Variants in EPB41L3 observed in about 807,000 individuals in gnomAD.
The protein encoded by EPB41L3 is erythrocyte membrane protein band 4.1 like 3, also known as band 4.1-like protein 3.
EPB41L3 carries 57 observed loss-of-function variants against 127.1 expected under a neutral mutation model. The ratio of observed to expected loss-of-function variants is 0.45; its 90% CI spans 0.36 to 0.56. EPB41L3 has a LOEUF of 0.56. Ranked by LOEUF, EPB41L3 falls within the 20% of genes least tolerant of loss-of-function variation. EPB41L3 has a pLI of 0.00. For synonymous variants in EPB41L3, 572 were observed against 549.5 expected, an observed-to-expected ratio of 1.04 and a Z score of -0.57; for missense variants, 1,273 against 1,372.2, an observed-to-expected ratio of 0.93 and a Z score of 1.14.
At chr18:5,548,323 A>G (rs1407398484), upstream of EPB41L3, among the ~76,000 whole-genome samples, 1 of 152,226 alleles carries the variant, frequency 6.6e-6, no homozygotes, top group Non-Finnish European at 1.5e-5. Context: ...AGGCTTCCAG[A>G]TGCTCTCTTC....
chr18:5,491,256 C>T (rs1040873988), intron 1 of EPB41L3, among the ~76,000 whole-genome samples: 1 of 152,214 alleles, frequency 6.6e-6, no homozygotes, highest in Non-Finnish European at 1.5e-5. Context: ...ATGACAGAGC[C>T]ACCCCTTCCA....
chr18:5,434,169 A>G (rs778288404), intron 6 of EPB41L3, 48 bp from the exon 7 acceptor site: 11 of 1,487,790 alleles, frequency 7.4e-6, no homozygotes, highest in Non-Finnish European at 1.0e-5. Context: ...ATGAGGATAC[A>G]GGAAAAGGAG....
intron 3 of EPB41L3, among the ~76,000 whole-genome samples, chr18:5,551,244 T>C (rs975805549): frequency 6.6e-6 from 1 of 152,180 alleles, no homozygotes; most frequent in African/African-American, 2.4e-5. Context: ...CCATTATAGC[T>C]TGATGAACAG....
chr18:5,460,885 T>A (rs1439174514), intron 3 of EPB41L3, among the ~76,000 whole-genome samples: 4 of 152,244 alleles, frequency 2.6e-5, no homozygotes, highest in Non-Finnish European at 5.9e-5. Flanking sequence ...ATATTTATTT[T>A]CTCTTTGTTA....
At chr18:5,584,270 A>G (rs546804200) in intron 3 of EPB41L3, among the ~76,000 whole-genome samples, 9 of 152,338 alleles carry the variant, frequency 5.9e-5, no homozygotes, top group African/African-American at 2.2e-4. Context: ...GCTAGGGCCT[A>G]TGCTGCAGAT....
chr18:5,446,030 A>G (rs1469487516), intron 3 of EPB41L3, among the ~76,000 whole-genome samples: 2 of 152,192 alleles, frequency 1.3e-5, no homozygotes, highest in Non-Finnish European at 2.9e-5. Context: ...TCTGAGCCTG[A>G]GAAGAATTAA....
chr18:5,584,514 C>T (rs1003754213), intron 3 of EPB41L3, among the ~76,000 whole-genome samples: 29 of 152,270 alleles, frequency 1.9e-4, no homozygotes, highest in African/African-American at 6.5e-4. Flanking sequence ...TTTTCCTCAA[C>T]TGTAATGTGA....
intron 11 of EPB41L3, among the ~76,000 whole-genome samples, chr18:5,422,807 C>T (rs1289106667): frequency 6.6e-6 from 1 of 152,190 alleles, no homozygotes; most frequent in African/African-American, 2.4e-5. Context: ...CAGTACAGAA[C>T]CCCTACCTAG....
At chr18:5,511,708 C>T (rs2092535771) in intron 1 of EPB41L3, among the ~76,000 whole-genome samples, 1 of 151,894 alleles carries the variant, frequency 6.6e-6, no homozygotes, top group South Asian at 2.1e-4. Context: ...GAGAGGTGAT[C>T]CCCAGTGCTT....
At chr18:5,477,301 T>C (rs766608866) in intron 3 of EPB41L3, among the ~76,000 whole-genome samples, 7 of 152,196 alleles carry the variant, frequency 4.6e-5, no homozygotes, top group Admixed American at 6.5e-5. Context: ...GTGCACTGCC[T>C]GTGCTGCCTG....
intron 2 of EPB41L3, among the ~76,000 whole-genome samples, chr18:5,486,416 G>A (rs1427009703): frequency 6.6e-6 from 1 of 151,222 alleles, no homozygotes; most frequent in Non-Finnish European, 1.5e-5. Context: ...GCTCCAGGAG[G>A]TTGGTCTGAG....
intron 3 of EPB41L3, among the ~76,000 whole-genome samples, chr18:5,606,489 A>G (rs1044976519): frequency 2.0e-5 from 3 of 152,044 alleles, no homozygotes; most frequent in African/African-American, 7.3e-5. Context: ...TATACATGTT[A>G]CTTATTATTA....
intron 13 of EPB41L3, among the ~76,000 whole-genome samples, chr18:5,412,830 T>C (rs1000156492): frequency 4.1e-5 from 6 of 145,126 alleles, no homozygotes; most frequent in Non-Finnish European, 9.0e-5. Flanking sequence ...GGGTAATGGA[T>C]AGTAAGTGCT....
chr18:5,552,039 G>A (rs1252391503), intron 3 of EPB41L3, among the ~76,000 whole-genome samples: 1 of 152,222 alleles, frequency 6.6e-6, no homozygotes, highest in African/African-American at 2.4e-5. Flanking sequence ...TCAAAAGAGA[G>A]AGGCTATAAA....
At chr18:5,599,736 CCAGAAGCCTAG>C (rs1286223708) in intron 3 of EPB41L3, among the ~76,000 whole-genome samples, 1 of 152,088 alleles carries the variant, frequency 6.6e-6, no homozygotes, top group Non-Finnish European at 1.5e-5. Context: ...TCTGAGGCTC[CCAGAAGCCTAG>C]CAGAAGCCAC....
Position 5,498,608 on chromosome 18 carries a change from A to AAAAAAAAAAAAAAAAAG in EPB41L3, c.-11-9415_-11-9414insCTTTTTTTTTTTTTTTT, listed in dbSNP as rs1448249391. ...AGACTCCATCTCAAAAAAAAAAAAA[A>AAAAAAAAAAAAAAAAAG]AAAGAAAATGGACTTCAGAACTGAT... On this transcript the variant is annotated intron_variant, in intron 1 of 22. Coordinates refer to ENST00000341928, the MANE Select transcript of EPB41L3 (RefSeq NM_012307.5). Among the ~76,000 whole-genome samples, 2 of 144,698 alleles carry AAAAAAAAAAAAAAAAAG rather than the reference A, an allele frequency of 1.4e-5. 1 individual carries two copies. 94.9% of individuals were successfully genotyped at this position (144,698 alleles called of 152,430 possible).
intron 3 of EPB41L3, chr18:5,570,316 T>C (rs1208864132): frequency 6.6e-6 from 1 of 152,222 alleles, no homozygotes; most frequent in Non-Finnish European, 1.5e-5. Context: ...ACAAGGGCTT[T>C]ATAACATCTA....
At chr18:5,594,665 C>G (rs80284521) in intron 3 of EPB41L3, among the ~76,000 whole-genome samples, 1 of 152,186 alleles carries the variant, frequency 6.6e-6, no homozygotes, top group South Asian at 2.1e-4. Context: ...ACTAAAAAAC[C>G]AGCTTTCTAA....
Position 5,469,893 on chromosome 18 carries a change from C to T in EPB41L3, c.381+8348G>A, listed in dbSNP as rs949281716. 5.3e-5 allele frequency among the ~76,000 whole-genome samples: 8 copies of T among 152,018 alleles called. 1 individual carries two copies. The highest frequency in any genetic ancestry group is 4.6e-4 in the Admixed American group (7 of 15,290). ...GGTCCCGGTTCAAGCAAGTCTCCTG[C>T]CTCAGCCTCCCAAGTAGCTGGGATT... is the stretch of plus-strand genomic sequence containing the variant. On this transcript the variant is annotated intron_variant, in intron 3 of 22. Coordinates refer to ENST00000341928, the MANE Select transcript of EPB41L3 (RefSeq NM_012307.5).
Sources: allele counts gnomAD v4.1 joint callset (sites outside exome capture counted in the v4.1 genomes callset), GRCh38; gene constraint gnomAD v4.1.1; transcripts MANE v1.5; gene names NCBI Gene and HGNC (gene_info 2026-07-23, HGNC 2026-07-21).